AHCY: variants seen among roughly 807,000 people sequenced by gnomAD.
AHCY encodes S-adenosyl-L-homocysteine hydrolase.
A neutral mutation model predicts 45.4 loss-of-function variants in AHCY; 24 were observed. That is an observed-to-expected ratio of 0.53 (90% confidence interval 0.38 to 0.74). The LOEUF (loss-of-function observed/expected upper bound fraction) is 0.74. Among genes scored for constraint, AHCY ranks in the 30% least tolerant of loss-of-function variants. AHCY has a pLI of 0.00. For missense variants in AHCY, 449 were observed against 594.1 expected, an observed-to-expected ratio of 0.76 and a Z score of 2.54; for synonymous variants, 245 against 235.1, an observed-to-expected ratio of 1.04 and a Z score of -0.39.
the AHCY span, among the ~76,000 whole-genome samples, chr20:34,237,966 G>T: frequency 6.6e-6 from 1 of 152,084 alleles, no homozygotes; most frequent in Non-Finnish European, 1.5e-5. Flanking sequence ...GAATTTGTCA[G>T]CCCACAGCCT....
chr20:34,249,084 G>A, the AHCY span, among the ~76,000 whole-genome samples: 1 of 150,454 alleles, frequency 6.6e-6, no homozygotes, highest in Non-Finnish European at 1.5e-5. Context: ...AGCTGAGATG[G>A]CACCACTGCA....
intron 9 of AHCY, chr20:34,281,534 C>T: frequency 1.4e-5 from 5 of 354,936 alleles, no homozygotes; most frequent in South Asian, 1.2e-4. Flanking sequence ...GATTCCTAAA[C>T]AGGGAAGGGT....
intron 8 of AHCY, chr20:34,286,103 TCAAAAAA>T (rs1223867973): frequency 2.5e-5 from 5 of 203,492 alleles, no homozygotes; most frequent in Admixed American, 2.1e-4. Context: ...AGACTCTGTC[TCAAAAAA>T]CAAAAAACAA....
upstream of AHCY, chr20:34,303,367 G>T: frequency 2.6e-6 from 4 of 1,511,706 alleles, no homozygotes; most frequent in Non-Finnish European, 3.6e-6. Flanking sequence ...TATGCGCGTG[G>T]CGCCGACGCC....
intron 1 of AHCY, among the ~76,000 whole-genome samples, chr20:34,300,793 C>G (rs1195780329): frequency 6.6e-6 from 1 of 151,244 alleles, no homozygotes; most frequent in Non-Finnish European, 1.5e-5. Flanking sequence ...TGTGGATCTG[C>G]GGAGCAAGAG....
chr20:34,279,289 C>T (rs56793751), downstream of AHCY, among the ~76,000 whole-genome samples: 13,383 of 148,008 alleles, frequency 0.09, 1,962 homozygotes, highest in African/African-American at 0.31. Flanking sequence ...GGCGTGGTGG[C>T]GGGTGCCTGT....
At chr20:34,243,088 T>C in the AHCY span, among the ~76,000 whole-genome samples, 1 of 152,218 alleles carries the variant, frequency 6.6e-6, no homozygotes, top group Non-Finnish European at 1.5e-5. Context: ...GGAATGAACA[T>C]CTGGGAAGCC....
At chr20:34,273,893 G>A in the AHCY span, among the ~76,000 whole-genome samples, 4 of 152,182 alleles carry the variant, frequency 2.6e-5, no homozygotes, top group African/African-American at 4.8e-5. Context: ...ACAGAAAGGA[G>A]GTTTCTATTA....
chr20:34,268,294 C>A, the AHCY span, among the ~76,000 whole-genome samples: 4 of 152,126 alleles, frequency 2.6e-5, no homozygotes, highest in Non-Finnish European at 4.4e-5. Context: ...CTGCTGGGTT[C>A]CTGCAGCAGG....
At chr20:34,301,963 T>C in intron 1 of AHCY, 1 of 985,372 alleles carries the variant, frequency 1.0e-6, no homozygotes, top group Non-Finnish European at 1.2e-6. Flanking sequence ...TTTCCATAAA[T>C]GTGGATGGCA....
chr20:34,291,338 C>T (rs2036384900), intron 5 of AHCY, 81 bp downstream of exon 5: 3 of 1,319,898 alleles, frequency 2.3e-6, no homozygotes, highest in South Asian at 1.2e-5. Flanking sequence ...CTAATCTCAG[C>T]CTTCCTGGGC....
At chr20:34,291,859 T>C (rs2036407050) in intron 4 of AHCY, among the ~76,000 whole-genome samples, 1 of 152,240 alleles carries the variant, frequency 6.6e-6, no homozygotes, top group South Asian at 2.1e-4. Context: ...TTCTAACATG[T>C]ATCTTCTCAG....
the AHCY span, among the ~76,000 whole-genome samples, chr20:34,257,497 A>G: frequency 3.3e-5 from 5 of 152,192 alleles, no homozygotes; most frequent in Non-Finnish European, 1.5e-5. Context: ...TAAAAACAAT[A>G]TTGCTTTTGG....
intron 1 of AHCY, chr20:34,301,949 A>C (rs1490188049): frequency 6.1e-6 from 6 of 985,202 alleles, no homozygotes; most frequent in Non-Finnish European, 7.2e-6. Flanking sequence ...ATATACAGCA[A>C]GTGTTTCCAT....
rs141172613 is a variant in AHCY at position 34,290,861 on chromosome 20, G to A, written c.636C>T (p.Ala212=). The change falls in exon 6 of 10, where the codon GCC becomes GCT. Residue 212 remains alanine, a synonymous_variant. Transcript: ENST00000217426. This position sits in a 1 kb window ranked among gnomAD's most constrained non-coding sequence, Gnocchi z 4.5. ...AGCCTGCTACCACCGCTACCTTGCCGGCAATCATCACATCTGTGGCCCGCT... is the reference window on the plus strand; with the variant it reads ...AGCCTGCTACCACCGCTACCTTGCCAGCAATCATCACATCTGTGGCCCGCT... ...GIKRATDVMI[A]GKVAVVAGYG... 258 of 1,614,152 alleles carry A rather than the reference G, an allele frequency of 1.6e-4. No individual in the cohort carries two copies. The highest frequency in any genetic ancestry group is 1.3e-3 in the African/African-American group (100 of 75,034).
At position 34,297,298 on chromosome 20, in the gene AHCY, T is replaced by C. The variant is rs189075683; in HGVS notation, c.29-1713A>G. Reference sequence around the variant, plus strand: ...ACATCATATTTAATTAATTAATTAATTAATTATTTTAGAGACATAGTCTGG... The same window carrying C: ...ACATCATATTTAATTAATTAATTAACTAATTATTTTAGAGACATAGTCTGG... On this transcript the variant is annotated intron_variant, in intron 1 of 9. Transcript: ENST00000217426. Among the ~76,000 whole-genome samples the C allele has an allele frequency of 2.0e-5, 3 of 152,032 alleles. No homozygotes were observed. The East Asian group carries it at 5.8e-4, about 29-fold the overall frequency.
At chr20:34,259,048 AT>A in the AHCY span, among the ~76,000 whole-genome samples, 2 of 148,958 alleles carry the variant, frequency 1.3e-5, no homozygotes, top group Admixed American at 6.8e-5. Flanking sequence ...ACAAAAAAAA[AT>A]TTTTTTTTAA....
At chr20:34,291,965 C>T (rs1261387459) in intron 4 of AHCY, among the ~76,000 whole-genome samples, 2 of 152,232 alleles carry the variant, frequency 1.3e-5, no homozygotes, top group Non-Finnish European at 2.9e-5. Context: ...CACATCTGGT[C>T]TTCACGAAGT....
chr20:34,243,632 C>T, the AHCY span, among the ~76,000 whole-genome samples: 1 of 151,788 alleles, frequency 6.6e-6, no homozygotes, highest in Admixed American at 6.6e-5. Context: ...TAACACATAC[C>T]AGATAGTCTC....
Sources: gnomAD v4.1 joint callset for allele counts (sites outside exome capture counted in the v4.1 genomes callset) on GRCh38, gnomAD v4.1.1 for gene constraint, Gnocchi (gnomAD v3.1) non-coding constraint, MANE v1.5 for transcripts, NCBI Gene and HGNC (gene_info 2026-07-23, HGNC 2026-07-21) for gene names.